The following OPCML variants were observed in gnomAD, a reference collection of about 807,000 sequenced individuals.
The protein encoded by OPCML is opioid binding protein/cell adhesion molecule like, also known as opioid-binding protein/cell adhesion molecule.
Under a neutral mutation model 37.8 loss-of-function variants are expected in OPCML, and 13 were observed. The ratio of observed to expected loss-of-function variants is 0.34; its 90% confidence interval spans 0.22 to 0.55. The LOEUF is 0.55. OPCML is among the 20% of genes least tolerant of loss of function. The pLI, the probability that OPCML is intolerant of heterozygous loss-of-function variation, is 0.91. For missense variants in OPCML, 341 were observed against 435.6 expected (o/e 0.78, Z 1.93); for synonymous variants, 176 against 168.8 (o/e 1.04, Z -0.33).
intron 1 of OPCML, among the ~76,000 whole-genome samples, chr11:133,102,496 C>T (rs992598932): frequency 6.6e-6 from 1 of 152,146 alleles, no homozygotes; most frequent in East Asian, 1.9e-4. Context: ...TGCCTGTAAT[C>T]GCAGAACTTT....
chr11:132,711,649 G>A (rs143180551), intron 2 of OPCML, among the ~76,000 whole-genome samples: 11 of 152,294 alleles, frequency 7.2e-5, no homozygotes, highest in Admixed American at 1.3e-4. Flanking sequence ...GAACCATTGC[G>A]TGTGAGTGTG....
intron 4 of OPCML, among the ~76,000 whole-genome samples, chr11:132,499,810 T>C (rs902079678): frequency 6.6e-6 from 1 of 152,246 alleles, no homozygotes; most frequent in Non-Finnish European, 1.5e-5. Context: ...TGTCCGTGAC[T>C]ATGTTAACTG....
intron 1 of OPCML, among the ~76,000 whole-genome samples, chr11:133,344,583 C>G (rs1450322198): frequency 6.6e-6 from 1 of 152,172 alleles, no homozygotes; most frequent in African/African-American, 2.4e-5. Flanking sequence ...ATGTGGCATG[C>G]TGGCCATGGC....
intron 1 of OPCML, chr11:133,026,448 G>A (rs1348299857): frequency 5.1e-6 from 5 of 985,188 alleles, no homozygotes; most frequent in Admixed American, 1.2e-4. Flanking sequence ...CTCATCCCTG[G>A]TTCCTGTTTT....
chr11:132,625,673 T>C (rs377707512), intron 3 of OPCML, among the ~76,000 whole-genome samples: 1 of 152,186 alleles, frequency 6.6e-6, no homozygotes, highest in Middle Eastern at 3.2e-3. Flanking sequence ...TCTGCTTGTA[T>C]TTCTGTCTCC....
intron 2 of OPCML, among the ~76,000 whole-genome samples, chr11:132,710,019 A>T (rs140161655): frequency 6.6e-6 from 1 of 152,228 alleles, no homozygotes; most frequent in Admixed American, 6.5e-5. Context: ...TCTGTAATAC[A>T]GTTGGTAATC....
intron 3 of OPCML, among the ~76,000 whole-genome samples, chr11:132,577,588 T>G (rs1274903239): frequency 6.6e-6 from 1 of 152,070 alleles, no homozygotes; most frequent in Non-Finnish European, 1.5e-5. Context: ...ACACAAATAC[T>G]CAGAATGGTA....
chr11:132,548,089 T>C (rs368527610), intron 3 of OPCML, among the ~76,000 whole-genome samples: 3 of 152,170 alleles, frequency 2.0e-5, no homozygotes, highest in African/African-American at 7.2e-5. Context: ...GTTTAAATTA[T>C]AAATGGGCTG....
At chr11:133,199,321 T>A (rs1407900949) in intron 1 of OPCML, among the ~76,000 whole-genome samples, 1 of 152,234 alleles carries the variant, frequency 6.6e-6, no homozygotes, top group Admixed American at 6.5e-5. Context: ...TATATGTTGC[T>A]CTTGGAAATT....
chr11:132,473,609 T>C (rs1293479559), intron 4 of OPCML, among the ~76,000 whole-genome samples: 1 of 152,122 alleles, frequency 6.6e-6, no homozygotes, highest in Non-Finnish European at 1.5e-5. Flanking sequence ...GAAAATCACT[T>C]AAGCCTGGGA....
intron 2 of OPCML, among the ~76,000 whole-genome samples, chr11:132,806,189 C>T (rs61906872): frequency 6.6e-6 from 1 of 151,904 alleles, no homozygotes; most frequent in Admixed American, 6.6e-5. Context: ...GAAGGGAAAA[C>T]CAGAAAACAA....
chr11:132,671,413 G>A (rs185970470), intron 2 of OPCML, among the ~76,000 whole-genome samples: 138 of 152,238 alleles, frequency 9.1e-4, no homozygotes, highest in Non-Finnish European at 1.7e-3. Context: ...GGGTTAACTT[G>A]CAAATGTTTC....
chr11:133,520,493 C>G (rs1565680700), intron 1 of OPCML, among the ~76,000 whole-genome samples: 1 of 152,114 alleles, frequency 6.6e-6, no homozygotes, highest in Non-Finnish European at 1.5e-5. Flanking sequence ...TGTGGGGACA[C>G]GAGATGATGT....
At chr11:132,587,641 G>A (rs2096475882) in intron 3 of OPCML, among the ~76,000 whole-genome samples, 1 of 152,142 alleles carries the variant, frequency 6.6e-6, no homozygotes, top group Admixed American at 6.6e-5. Context: ...ATATTGCCTT[G>A]AGCTAGAGCA....
chr11:132,704,498 T>C (rs1943955191), intron 2 of OPCML, among the ~76,000 whole-genome samples: 1 of 152,108 alleles, frequency 6.6e-6, no homozygotes, highest in African/African-American at 2.4e-5. Flanking sequence ...TCCCAAAAAA[T>C]GCCTTTGAGG....
At chr11:133,140,778 A>C (rs1243195384) in intron 1 of OPCML, among the ~76,000 whole-genome samples, 45 of 143,322 alleles carry the variant, frequency 3.1e-4, no homozygotes, top group African/African-American at 9.9e-4. Flanking sequence ...AAGAAGAAGA[A>C]GAAGACGACG....
chr11:132,698,953 G>A (rs73051174), intron 2 of OPCML, among the ~76,000 whole-genome samples: 1 of 151,974 alleles, frequency 6.6e-6, no homozygotes, highest in East Asian at 1.9e-4. Flanking sequence ...ATCGCTTTGG[G>A]TATTGCAGAC....
At chr11:132,909,809 G>C (rs1235682815) in intron 2 of OPCML, among the ~76,000 whole-genome samples, 2 of 152,152 alleles carry the variant, frequency 1.3e-5, no homozygotes, top group Non-Finnish European at 2.9e-5. Context: ...TGACAATATT[G>C]CTTCTGCCTC....
intron 2 of OPCML, among the ~76,000 whole-genome samples, chr11:132,842,529 C>T (rs1412517930): frequency 1.3e-5 from 2 of 152,230 alleles, no homozygotes; most frequent in African/African-American, 2.4e-5. Context: ...GTAGCCCTTG[C>T]AGCCCTAAGG....
Sources: allele counts gnomAD v4.1 joint callset (sites outside exome capture counted in the v4.1 genomes callset), GRCh38; gene constraint gnomAD v4.1.1; transcripts MANE v1.5; gene names NCBI Gene and HGNC (gene_info 2026-07-23, HGNC 2026-07-21).